SH3GLB1: variants seen among roughly 807,000 people sequenced by gnomAD.
SH3GLB1 encodes SH3 domain containing GRB2 like, endophilin B1.
Under a neutral mutation model 42.0 loss-of-function variants are expected in SH3GLB1, and 17 were observed. That is an observed-to-expected ratio of 0.40 (90% CI 0.28 to 0.61). SH3GLB1 has a LOEUF of 0.61. Among genes scored for constraint, SH3GLB1 ranks in the 20% least tolerant of loss-of-function variants. The pLI, the probability that SH3GLB1 is intolerant of heterozygous loss-of-function variation, is 0.36. For synonymous variants in SH3GLB1, 132 were observed against 146.6 expected, an observed-to-expected ratio of 0.90 and a Z score of 0.72; for missense variants, 355 against 426.3, an observed-to-expected ratio of 0.83 and a Z score of 1.47.
intron 1 of SH3GLB1, 142 bp downstream of exon 1, chr1:86,705,113 C>G (rs1357299010): frequency 3.7e-6 from 2 of 542,340 alleles, no homozygotes; most frequent in East Asian, 7.3e-5. Context: ...TGGGCGCGGC[C>G]TGGTCCCCTC....
At chr1:86,739,847 C>T (rs544325762) in intron 7 of SH3GLB1, among the ~76,000 whole-genome samples, 49 of 152,078 alleles carry the variant, frequency 3.2e-4, no homozygotes, top group African/African-American at 1.2e-3. Context: ...ATAGACAGCT[C>T]ATTAAAGAGT....
At position 86,704,703 on chromosome 1, in the gene SH3GLB1, G is replaced by C. The variant is rs1653707371; in HGVS notation, c.-197G>C. The stretch of plus-strand genomic sequence containing the variant: ...CTGACCCATCCTTGGCGCTGCCGCC[G>C]CGCGCTTGTTCTCCTCCCTCGCCCC... On this transcript the variant is annotated 5_prime_UTR_variant, in exon 1 of 9. Coordinates refer to ENST00000370558, the MANE Select transcript of SH3GLB1 (RefSeq NM_016009.5). 2.3e-6 allele frequency: 1 copy of C among 441,284 alleles called. No homozygotes were observed. 27.3% of individuals were successfully genotyped at this position (441,284 alleles called of 1,614,324 possible).
chr1:86,710,428 C>T (rs919430728), intron 1 of SH3GLB1, among the ~76,000 whole-genome samples: 1 of 152,112 alleles, frequency 6.6e-6, no homozygotes, highest in African/African-American at 2.4e-5. Context: ...CCGTGCCCGG[C>T]TAAATTTTGT....
rs1558310858 is a variant in SH3GLB1 at position 86,722,569 on chromosome 1, CA to C, written c.379del (p.Arg127GlufsTer9). The C allele has an allele frequency of 1.9e-6, 3 of 1,598,126 alleles. No individual in the cohort carries two copies. Among genetic ancestry groups the C allele is most frequent in the South Asian group, 2.3e-5 (2 of 87,462 alleles). ...TGCCCTTATTAAATGTGGAGAAACC[CA>C]AAAAAGAATTGGAACAGCAGACAGA... The part of the protein sequence containing the change: ...GNALIKCGET[Q>X]KRIGTADREL... On this transcript the variant is annotated frameshift_variant, in exon 4 of 9. Coordinates refer to ENST00000370558, the MANE Select transcript of SH3GLB1 (RefSeq NM_016009.5). LOFTEE classifies it high-confidence loss of function.
Position 86,743,330 on chromosome 1 carries a change from G to A in SH3GLB1, c.*95G>A. On this transcript the variant is annotated 3_prime_UTR_variant, in exon 9 of 9. Transcript: ENST00000370558. ...GGTTAAGTATCTTCCATGTTAATGT[G>A]TTAAGAGACTGAAAATACCAGCCAT... 1.4e-6 allele frequency: 1 copy of A among 697,568 alleles called. No homozygotes were observed. Among genetic ancestry groups the A allele is most frequent in the Non-Finnish European group, 2.2e-6 (1 of 460,434 alleles). The allele number at this position is 697,568 out of a possible 1,614,324, so 43.2% of individuals were successfully genotyped here.
intron 2 of SH3GLB1, among the ~76,000 whole-genome samples, chr1:86,716,963 G>C (rs539998113): frequency 6.6e-6 from 1 of 152,244 alleles, no homozygotes; most frequent in East Asian, 1.9e-4. Context: ...TATCATTTTA[G>C]TTAAATAGTA....
chr1:86,710,266 ATTT>A (rs34909531), intron 1 of SH3GLB1, among the ~76,000 whole-genome samples: 20 of 145,972 alleles, frequency 1.4e-4, no homozygotes, highest in African/African-American at 2.0e-4. Context: ...TCTTGAAAGA[ATTT>A]TTTTTTTTTT....
At position 86,744,385 on chromosome 1, in the gene SH3GLB1, A is replaced by G. The variant is rs552776300; in HGVS notation, c.*1150A>G. ...GGGGATACTGTCCTGAACAATATGCACACAGTTCTTGCCCCTGCAGAGCTT... is the reference window on the plus strand; with the variant it reads ...GGGGATACTGTCCTGAACAATATGCGCACAGTTCTTGCCCCTGCAGAGCTT... On this transcript the variant is annotated 3_prime_UTR_variant, in exon 9 of 9. Transcript: ENST00000370558. 19 of 152,336 alleles carry G rather than the reference A, an allele frequency of 1.2e-4. No individual in the cohort carries two copies. The highest frequency in any genetic ancestry group is 3.4e-4 in the African/African-American group (14 of 41,576). The allele number at this position is 152,336 out of a possible 1,614,324, so 9.4% of individuals were successfully genotyped here. A position where few individuals can be genotyped will look rare whatever the true frequency, so the allele number is the denominator to read the frequency against.
intron 5 of SH3GLB1, 138 bp from the exon 6 acceptor site, chr1:86,734,464 G>T (rs550850161): frequency 4.0e-5 from 25 of 628,222 alleles, no homozygotes; most frequent in Middle Eastern, 4.5e-4. Context: ...GACCATTTTA[G>T]ATACAAAGCA....
At chr1:86,717,065 T>C (rs545763418) in intron 2 of SH3GLB1, among the ~76,000 whole-genome samples, 1 of 152,326 alleles carries the variant, frequency 6.6e-6, no homozygotes, top group South Asian at 2.1e-4. Flanking sequence ...TACCCCAAAC[T>C]TCAGCATCAT....
intron 1 of SH3GLB1, among the ~76,000 whole-genome samples, chr1:86,714,724 T>C (rs1654411166): frequency 6.6e-6 from 1 of 152,152 alleles, no homozygotes; most frequent in Non-Finnish European, 1.5e-5. Context: ...CAGCCAGAAG[T>C]GAGTCATTAC....
At chr1:86,715,958 GA>G in intron 2 of SH3GLB1, 93 bp downstream of exon 2, 1 of 1,353,382 alleles carries the variant, frequency 7.4e-7, no homozygotes, top group South Asian at 1.4e-5. Flanking sequence ...GAAAACATAG[GA>G]TTTTTTTATT....
In SH3GLB1 at chr1:86,704,828, GC is replaced by G; in HGVS notation, c.-68del. The G allele has an allele frequency of 9.6e-7, 1 of 1,046,974 alleles. No homozygotes were observed. The highest frequency in any genetic ancestry group is 3.1e-5 in the East Asian group (1 of 32,202). 64.9% of individuals were successfully genotyped at this position (1,046,974 alleles called of 1,614,324 possible). A position where few individuals can be genotyped will look rare whatever the true frequency, so the allele number is the denominator to read the frequency against. On this transcript the variant is annotated 5_prime_UTR_variant, in exon 1 of 9. Coordinates refer to ENST00000370558, the MANE Select transcript of SH3GLB1 (RefSeq NM_016009.5). Reference sequence around the variant, plus strand: ...TCTGCCCTCGCCGCTCTAGCCCTGCGCCCCAGCCCGGCCGCGGCACCTCCGC... The same window carrying G: ...TCTGCCCTCGCCGCTCTAGCCCTGCGCCCAGCCCGGCCGCGGCACCTCCGC...
intron 5 of SH3GLB1, among the ~76,000 whole-genome samples, chr1:86,724,943 A>T (rs888473489): frequency 1.4e-5 from 2 of 143,230 alleles, no homozygotes; most frequent in Non-Finnish European, 3.0e-5. Context: ...GTGTGTATAT[A>T]TATAAAATAT....
intron 7 of SH3GLB1, among the ~76,000 whole-genome samples, chr1:86,737,959 C>T (rs1045311568): frequency 6.6e-6 from 1 of 152,104 alleles, no homozygotes; most frequent in Non-Finnish European, 1.5e-5. Flanking sequence ...GTAGAGGAAA[C>T]GGGGAGCCAA....
At chr1:86,709,272 T>G (rs559841200) in intron 1 of SH3GLB1, among the ~76,000 whole-genome samples, 1 of 152,370 alleles carries the variant, frequency 6.6e-6, no homozygotes, top group Admixed American at 6.5e-5. Flanking sequence ...ATGGTTCATC[T>G]TTTATATCAT....
intron 5 of SH3GLB1, 58 bp from the exon 6 acceptor site, chr1:86,734,544 T>G: frequency 1.6e-6 from 2 of 1,220,952 alleles, no homozygotes; most frequent in South Asian, 2.6e-5. Flanking sequence ...CTAAAATAAA[T>G]GTATATAAGA....
intron 5 of SH3GLB1, among the ~76,000 whole-genome samples, chr1:86,725,430 T>C (rs995065770): frequency 6.6e-6 from 1 of 152,308 alleles, no homozygotes; most frequent in South Asian, 2.1e-4. Context: ...AAGATTTATT[T>C]ATAAGCTTTT....
intron 2 of SH3GLB1, among the ~76,000 whole-genome samples, chr1:86,716,441 ATT>A (rs779127787): frequency 6.6e-6 from 1 of 151,192 alleles, no homozygotes; most frequent in Non-Finnish European, 1.5e-5. Flanking sequence ...CGCCCAGCTA[ATT>A]TTTTTTTGTG....
Sources: gnomAD v4.1 joint callset for allele counts (sites outside exome capture counted in the v4.1 genomes callset) on GRCh38, gnomAD v4.1.1 for gene constraint, MANE v1.5 for transcripts, NCBI Gene and HGNC (gene_info 2026-07-23, HGNC 2026-07-21) for gene names.